The following ADAMTS3 variants were observed in gnomAD, a reference collection of about 807,000 sequenced individuals.
ADAMTS3 encodes the protein ADAM metallopeptidase with thrombospondin type 1 motif 3, also known as A disintegrin and metalloproteinase with thrombospondin motifs 3.
ADAMTS3 carries 73 observed loss-of-function variants against 129.0 expected under a neutral mutation model. The observed-to-expected ratio is 0.57, with a 90% CI of 0.47 to 0.69. The LOEUF is 0.69. ADAMTS3 is among the 30% of genes least tolerant of loss of function. ADAMTS3 has a pLI of 0.00. For missense variants in ADAMTS3, 1,457 were observed against 1,514.5 expected, an observed-to-expected ratio of 0.96 and a Z score of 0.63; for synonymous variants, 477 against 510.8, an observed-to-expected ratio of 0.93 and a Z score of 0.89.
In ADAMTS3 at chr4:72,288,768, T is replaced by C; in HGVS notation, c.3032A>G (p.Gln1011Arg). The C allele has an allele frequency of 6.2e-7, 1 of 1,613,288 alleles. No individual in the cohort carries two copies. Among genetic ancestry groups the C allele is most frequent in the Non-Finnish European group, 8.5e-7 (1 of 1,179,324 alleles). The change falls in exon 21 of 22, where the codon CAA (glutamine) becomes CGA (arginine). Residue 1011 changes from glutamine to arginine, a missense_variant. Transcript: ENST00000286657. ...GEKPESVRAC[Q>R]LPPCNDEPCL... is the part of the protein sequence containing the mutation. ...ACACCTACCATTACAAGGAGGCAGTTGACAGGCTCTGACCGACTCAGGCTT... is the reference window on the plus strand; with the variant it reads ...ACACCTACCATTACAAGGAGGCAGTCGACAGGCTCTGACCGACTCAGGCTT...
intron 2 of ADAMTS3, among the ~76,000 whole-genome samples, chr4:72,555,776 TGG>T (rs941265178): frequency 6.6e-6 from 1 of 151,644 alleles, no homozygotes; most frequent in Non-Finnish European, 1.5e-5. Flanking sequence ...GATTGAATCA[TGG>T]GGGTGGACCT....
chr4:72,389,773 A>G (rs574431844), intron 4 of ADAMTS3, among the ~76,000 whole-genome samples: 1 of 152,346 alleles, frequency 6.6e-6, no homozygotes, highest in Admixed American at 6.5e-5. Context: ...ATCTGGGTTT[A>G]TACCAATATT....
chr4:72,446,741 T>A lies in ADAMTS3; in HGVS notation c.505-31770A>T, dbSNP rs145654119. Among the ~76,000 whole-genome samples the A allele has an allele frequency of 7.2e-5, 11 of 151,800 alleles. No individual in the cohort carries two copies. The East Asian group carries it at 1.6e-3, about 22-fold the overall frequency. The stretch of plus-strand genomic sequence containing the variant: ...TGCAAACTCATGAGAGAGCAGTCAT[T>A]AGACAATTCACATACAAGCAGAATC... On this transcript the variant is annotated intron_variant, in intron 3 of 21. Transcript: ENST00000286657.
intron 3 of ADAMTS3, among the ~76,000 whole-genome samples, chr4:72,480,692 T>TAATA (rs1225796808): frequency 6.9e-6 from 1 of 144,262 alleles, no homozygotes; most frequent in East Asian, 2.0e-4. Context: ...ACTTAAAGTA[T>TAATA]AATAATAATA....
chr4:72,321,831 T>C (rs1413517917), intron 6 of ADAMTS3, among the ~76,000 whole-genome samples: 1 of 152,136 alleles, frequency 6.6e-6, no homozygotes, highest in African/African-American at 2.4e-5. Flanking sequence ...GGGTGGACTC[T>C]TCCAGTTCTG....
chr4:72,288,990 G>T, intron 20 of ADAMTS3, 122 bp from the exon 21 acceptor site: 1 of 659,300 alleles, frequency 1.5e-6, no homozygotes, highest in Non-Finnish European at 2.7e-6. Flanking sequence ...ATCTGGAGTG[G>T]GTTCTCTATT....
chr4:72,549,997 A>G (rs375327511), intron 2 of ADAMTS3, among the ~76,000 whole-genome samples: 4 of 9,980 alleles, frequency 4.0e-4, no homozygotes, highest in South Asian at 3.4e-3. Context: ...AAGAAGAGGA[A>G]GAGGAAGAAG....
At chr4:72,365,438 G>A (rs1022080299) in intron 4 of ADAMTS3, among the ~76,000 whole-genome samples, 2 of 152,154 alleles carry the variant, frequency 1.3e-5, no homozygotes, top group African/African-American at 2.4e-5. Flanking sequence ...TAATCAAGCT[G>A]CAGTAGAGTA....
chr4:72,545,512 C>T (rs917431453), intron 3 of ADAMTS3, among the ~76,000 whole-genome samples: 4 of 152,046 alleles, frequency 2.6e-5, no homozygotes, highest in African/African-American at 9.7e-5. Flanking sequence ...CTGAAAGGGG[C>T]CAATGTCTGT....
intron 12 of ADAMTS3, 101 bp downstream of exon 12, chr4:72,313,576 T>C (rs1315784360): frequency 2.4e-6 from 3 of 1,257,464 alleles, no homozygotes; most frequent in Non-Finnish European, 2.2e-6. Context: ...TTTCCTGCCC[T>C]GTGTTTTACA....
chr4:72,534,290 G>T (rs1721131870), intron 3 of ADAMTS3, among the ~76,000 whole-genome samples: 1 of 151,686 alleles, frequency 6.6e-6, no homozygotes, highest in African/African-American at 2.4e-5. Flanking sequence ...TTGCGCCACT[G>T]CACTCCAGCA....
intron 3 of ADAMTS3, among the ~76,000 whole-genome samples, chr4:72,454,067 T>C (rs1303679483): frequency 6.6e-6 from 1 of 151,336 alleles, no homozygotes; most frequent in Non-Finnish European, 1.5e-5. Context: ...AAAAATAATA[T>C]TTTATGCTCA....
intron 3 of ADAMTS3, among the ~76,000 whole-genome samples, chr4:72,540,290 A>G (rs891077700): frequency 3.3e-5 from 5 of 152,160 alleles, no homozygotes; most frequent in Admixed American, 2.0e-4. Flanking sequence ...GTTTTGTGGA[A>G]CTTTGAACTT....
intron 10 of ADAMTS3, among the ~76,000 whole-genome samples, chr4:72,318,123 C>A (rs938309120): frequency 1.3e-5 from 2 of 152,084 alleles, no homozygotes; most frequent in Non-Finnish European, 2.9e-5. Context: ...ACTATACCAG[C>A]ACAATCCTTC....
At chr4:72,531,960 G>C (rs189162909) in intron 3 of ADAMTS3, among the ~76,000 whole-genome samples, 14 of 151,886 alleles carry the variant, frequency 9.2e-5, no homozygotes, top group African/African-American at 1.4e-4. Context: ...TTAAAGTTGT[G>C]CAAAGTTAAT....
At chr4:72,346,836 G>A (rs1054199900) in intron 4 of ADAMTS3, among the ~76,000 whole-genome samples, 3 of 152,074 alleles carry the variant, frequency 2.0e-5, no homozygotes, top group African/African-American at 4.8e-5. Flanking sequence ...GCAGTTACAC[G>A]AACTTACACC....
At chr4:72,320,473 T>C (rs1719523618) in intron 7 of ADAMTS3, among the ~76,000 whole-genome samples, 1 of 152,174 alleles carries the variant, frequency 6.6e-6, no homozygotes, top group African/African-American at 2.4e-5. Context: ...ACCCCCTCCA[T>C]GCCCCAAATG....
intron 5 of ADAMTS3, among the ~76,000 whole-genome samples, chr4:72,329,113 T>C (rs1340114583): frequency 6.6e-6 from 1 of 152,186 alleles, no homozygotes; most frequent in African/African-American, 2.4e-5. Flanking sequence ...GAGAATGGAA[T>C]AGTCAATACC....
chr4:72,407,691 A>G (rs1183443020), intron 4 of ADAMTS3, among the ~76,000 whole-genome samples: 1 of 152,188 alleles, frequency 6.6e-6, no homozygotes, highest in Admixed American at 6.6e-5. Flanking sequence ...GATGTTTGAT[A>G]TTATCAGAGC....
Sources: allele counts gnomAD v4.1 joint callset (sites outside exome capture counted in the v4.1 genomes callset), GRCh38; gene constraint gnomAD v4.1.1; transcripts MANE v1.5; gene names NCBI Gene and HGNC (gene_info 2026-07-23, HGNC 2026-07-21).